HCRTR2: variants seen among roughly 807,000 people sequenced by gnomAD.
The protein encoded by HCRTR2 is orexin receptor type 2.
HCRTR2 carries 22 observed loss-of-function variants against 49.0 expected under a neutral mutation model. The ratio of observed to expected loss-of-function variants is 0.45; its 90% CI spans 0.32 to 0.64. The LOEUF is 0.64. HCRTR2 is among the 30% of genes least tolerant of loss of function. The pLI, the probability that HCRTR2 is intolerant of heterozygous loss-of-function variation, is 0.04. For missense variants in HCRTR2, 491 were observed against 559.4 expected, an observed-to-expected ratio of 0.88 and a Z score of 1.23; for synonymous variants, 236 against 205.3, an observed-to-expected ratio of 1.15 and a Z score of -1.28.
At chr6:55,152,558 T>C (rs1272047188) in intron 1 of HCRTR2, among the ~76,000 whole-genome samples, 1 of 151,976 alleles carries the variant, frequency 6.6e-6, no homozygotes, top group Non-Finnish European at 1.5e-5. Context: ...AAGTAGCTTA[T>C]AAAAAACAGA....
intron 1 of HCRTR2, among the ~76,000 whole-genome samples, chr6:55,229,722 A>G (rs900128804): frequency 1.3e-5 from 2 of 152,200 alleles, no homozygotes; most frequent in East Asian, 3.9e-4. Context: ...GGTAGTTGCC[A>G]GGGGCTGGGA....
intron 1 of HCRTR2, among the ~76,000 whole-genome samples, chr6:55,182,774 T>C (rs552420543): frequency 6.6e-6 from 1 of 152,254 alleles, no homozygotes; most frequent in Admixed American, 6.5e-5. Context: ...ATACTGGCTC[T>C]TAACCACCTT....
At chr6:55,281,460 A>T (rs1424757169) in intron 6 of HCRTR2, among the ~76,000 whole-genome samples, 4 of 152,216 alleles carry the variant, frequency 2.6e-5, no homozygotes, top group African/African-American at 9.6e-5. Context: ...GAGTTAGAGG[A>T]GGCAACTGAT....
rs1295253011 is a variant in HCRTR2, at chr6:55,208,609, TTTA to T, written c.223+33802_223+33804del. Among the ~76,000 whole-genome samples, 34 of 152,306 alleles carry T rather than the reference TTTA, an allele frequency of 2.2e-4. No individual in the cohort carries two copies. In the South Asian group the frequency reaches 6.8e-3, roughly 31 times the overall value. ...GGAAATGAGAGGGTTTATACAAAGT[TTTA>T]TTCGTGATGTTATCTATGTCATCTA... On this transcript the variant is annotated intron_variant, in intron 1 of 6. Coordinates refer to ENST00000370862, the MANE Select transcript of HCRTR2 (RefSeq NM_001384272.1).
chr6:55,131,604 G>A (rs563604767), intron 1 of HCRTR2, among the ~76,000 whole-genome samples: 18 of 151,458 alleles, frequency 1.2e-4, no homozygotes, highest in African/African-American at 3.1e-4. Context: ...TTAACATTTC[G>A]ACAAGCAAAA....
At chr6:55,224,261 T>C (rs1358607643) in intron 1 of HCRTR2, among the ~76,000 whole-genome samples, 1 of 152,202 alleles carries the variant, frequency 6.6e-6, no homozygotes, top group African/African-American at 2.4e-5. Context: ...TTCGTATTCA[T>C]TGCAGCTTTA....
At position 55,201,127 on chromosome 6, in the gene HCRTR2, T is replaced by A. The variant is rs562840456; in HGVS notation, c.223+26317T>A. ...TCCCAGATTTCAGAGGACAGACATC[T>A]TTTTTTCCCTGCCTTGGTCATTTAA... On this transcript the variant is annotated intron_variant, in intron 1 of 6. Coordinates refer to ENST00000370862, the MANE Select transcript of HCRTR2 (RefSeq NM_001384272.1). Among the ~76,000 whole-genome samples the A allele has an allele frequency of 6.3e-4, 96 of 152,202 alleles. 1 individual carries two copies. Among genetic ancestry groups the A allele is most frequent in the African/African-American group, 2.0e-3 (83 of 41,556 alleles).
chr6:55,253,431 G>T (rs914132140), intron 2 of HCRTR2, among the ~76,000 whole-genome samples: 2 of 152,112 alleles, frequency 1.3e-5, no homozygotes, highest in African/African-American at 4.8e-5. Flanking sequence ...AAAAGACAGA[G>T]ATAACTACCC....
intron 1 of HCRTR2, among the ~76,000 whole-genome samples, chr6:55,146,826 T>G (rs1031456436): frequency 2.6e-5 from 4 of 152,174 alleles, no homozygotes; most frequent in African/African-American, 9.6e-5. Flanking sequence ...TCTGCTTATC[T>G]AGCAAGCTCC....
At chr6:55,252,973 C>T (rs899157842) in intron 2 of HCRTR2, among the ~76,000 whole-genome samples, 1 of 151,870 alleles carries the variant, frequency 6.6e-6, no homozygotes, top group Non-Finnish European at 1.5e-5. Context: ...CATACAATTC[C>T]ATGGTTAGGT....
At chr6:55,184,148 T>C (rs1391203069) in intron 1 of HCRTR2, among the ~76,000 whole-genome samples, 2 of 152,082 alleles carry the variant, frequency 1.3e-5, no homozygotes, top group Non-Finnish European at 2.9e-5. Context: ...AGACTGATCT[T>C]TAACTCCTGA....
At chr6:55,237,709 G>A (rs910803406) in intron 1 of HCRTR2, among the ~76,000 whole-genome samples, 1 of 152,198 alleles carries the variant, frequency 6.6e-6, no homozygotes, top group Admixed American at 6.5e-5. Context: ...ATGTCTTAAA[G>A]AAATGTGTAA....
intron 1 of HCRTR2, among the ~76,000 whole-genome samples, chr6:55,214,989 G>A (rs3134707): frequency 0.86 from 130,387 of 151,988 alleles, 56,394 homozygotes; most frequent in East Asian, 0.97. Context: ...TAGAAGAAAA[G>A]GACAGAAAAA....
chr6:55,206,859 TGTGA>T (rs964843239), intron 1 of HCRTR2, among the ~76,000 whole-genome samples: 61 of 152,234 alleles, frequency 4.0e-4, no homozygotes, highest in African/African-American at 1.4e-3. Flanking sequence ...ATAATTTTTG[TGTGA>T]GTATTTTTGA....
intron 4 of HCRTR2, among the ~76,000 whole-genome samples, chr6:55,272,900 A>T (rs533400101): frequency 6.7e-6 from 1 of 149,072 alleles, no homozygotes; most frequent in East Asian, 2.0e-4. Flanking sequence ...GTGAAAGAAT[A>T]ATGTTGCGAG....
chr6:55,172,288 T>G (rs1481304946), upstream of HCRTR2, among the ~76,000 whole-genome samples: 1 of 152,220 alleles, frequency 6.6e-6, no homozygotes, highest in Non-Finnish European at 1.5e-5. Flanking sequence ...TAATGTGACC[T>G]TTGGGATTTT....
intron 1 of HCRTR2, among the ~76,000 whole-genome samples, chr6:55,185,848 T>C (rs562767915): frequency 3.9e-5 from 6 of 152,354 alleles, no homozygotes; most frequent in African/African-American, 1.4e-4. Flanking sequence ...CAATATTCCT[T>C]GACAATCTTT....
intron 1 of HCRTR2, among the ~76,000 whole-genome samples, chr6:55,194,676 C>T (rs1383148321): frequency 1.3e-5 from 2 of 151,922 alleles, no homozygotes; most frequent in East Asian, 3.9e-4. Context: ...TTGAGATTTA[C>T]TTTGGGAGGT....
chr6:55,280,209 G>C (rs1767162055), intron 5 of HCRTR2, 114 bp from the exon 6 acceptor site: 1 of 724,698 alleles, frequency 1.4e-6, no homozygotes, highest in African/African-American at 1.8e-5. Context: ...CCAATCTGTG[G>C]TCAATTCCTG....
Sources: gnomAD v4.1 joint callset for allele counts (sites outside exome capture counted in the v4.1 genomes callset) on GRCh38, gnomAD v4.1.1 for gene constraint, MANE v1.5 for transcripts, NCBI Gene and HGNC (gene_info 2026-07-23, HGNC 2026-07-21) for gene names.